Variants in CNTN3 observed in about 807,000 individuals in gnomAD.
CNTN3 encodes the protein contactin 3, also known as contactin-3.
Under a neutral mutation model 119.1 loss-of-function variants are expected in CNTN3, and 60 were observed. The ratio of observed to expected loss-of-function variants is 0.50; its 90% CI spans 0.41 to 0.62. The LOEUF (loss-of-function observed/expected upper bound fraction) is 0.62, where lower values mean the gene tolerates loss of function less well. CNTN3 is among the 20% of genes least tolerant of loss of function. CNTN3 has a pLI of 0.00. For missense variants in CNTN3, 1,101 were observed against 1,242.4 expected (o/e 0.89, Z 1.71); for synonymous variants, 450 against 438.7 (o/e 1.03, Z -0.32).
At chr3:74,285,790 GATATATATAT>G (rs71129738) in intron 19 of CNTN3, among the ~76,000 whole-genome samples, 1,406 of 56,470 alleles carry the variant, frequency 0.025, 16 homozygotes, top group East Asian at 0.042. Context: ...ATGAAGGGGA[GATATATATAT>G]ATATATATAT....
intron 5 of CNTN3, among the ~76,000 whole-genome samples, chr3:74,374,689 C>T (rs1412481354): frequency 6.6e-6 from 1 of 152,150 alleles, no homozygotes; most frequent in East Asian, 1.9e-4. Flanking sequence ...TTACAGATTT[C>T]ACCACCAAAG....
At chr3:74,338,844 G>A (rs1703462021) in intron 11 of CNTN3, among the ~76,000 whole-genome samples, 1 of 152,018 alleles carries the variant, frequency 6.6e-6, no homozygotes, top group South Asian at 2.1e-4. Context: ...AGGAACTACA[G>A]AGAAAGGTCA....
chr3:74,548,168 T>C (rs185327057), intron 1 of CNTN3, among the ~76,000 whole-genome samples: 2 of 152,312 alleles, frequency 1.3e-5, no homozygotes, highest in Admixed American at 1.3e-4. Flanking sequence ...ACAAATCAGA[T>C]GGATTTGGTT....
chr3:74,295,987 CTTGGT>C (rs1380108479), intron 18 of CNTN3, among the ~76,000 whole-genome samples: 4 of 152,068 alleles, frequency 2.6e-5, no homozygotes, highest in Non-Finnish European at 4.4e-5. Flanking sequence ...GAATTTGAAA[CTTGGT>C]TTGGAGAGTC....
At chr3:74,344,543 A>G (rs889678803) in intron 11 of CNTN3, among the ~76,000 whole-genome samples, 13 of 69,090 alleles carry the variant, frequency 1.9e-4, no homozygotes, top group African/African-American at 7.2e-4. Flanking sequence ...CTCCTGCTTC[A>G]GCCTCCCGGG....
At chr3:74,281,003 T>C (rs781718717) in intron 20 of CNTN3, among the ~76,000 whole-genome samples, 9 of 152,056 alleles carry the variant, frequency 5.9e-5, no homozygotes, top group Non-Finnish European at 8.8e-5. Flanking sequence ...GGAAGAGCTT[T>C]CGAGATACAG....
intron 5 of CNTN3, among the ~76,000 whole-genome samples, chr3:74,404,065 C>T (rs1221714201): frequency 6.6e-6 from 1 of 152,066 alleles, no homozygotes; most frequent in East Asian, 1.9e-4. Context: ...AAATCTTTCT[C>T]CTACACATCA....
At chr3:74,519,487 G>T (rs1181679080) in intron 2 of CNTN3, among the ~76,000 whole-genome samples, 1 of 151,582 alleles carries the variant, frequency 6.6e-6, no homozygotes, top group Non-Finnish European at 1.5e-5. Flanking sequence ...ATTTTCTTTT[G>T]CTGCCTTTCT....
intron 2 of CNTN3, among the ~76,000 whole-genome samples, chr3:74,500,766 T>A (rs564009104): frequency 6.6e-6 from 1 of 152,166 alleles, no homozygotes; most frequent in South Asian, 2.1e-4. Flanking sequence ...AGTAACAATA[T>A]GATTAAAATA....
intron 4 of CNTN3, among the ~76,000 whole-genome samples, chr3:74,439,916 G>C (rs567288186): frequency 2.0e-5 from 3 of 152,222 alleles, no homozygotes; most frequent in Non-Finnish European, 2.9e-5. Context: ...CTGGCCAACT[G>C]GTTCCTTAAC....
intron 13 of CNTN3, among the ~76,000 whole-genome samples, chr3:74,315,581 T>C (rs1473135880): frequency 6.6e-6 from 1 of 152,134 alleles, no homozygotes; most frequent in Non-Finnish European, 1.5e-5. Context: ...AAAAAATTCG[T>C]ACAATGTCTC....
chr3:74,509,535 A>T (rs1703326913), intron 2 of CNTN3, among the ~76,000 whole-genome samples: 1 of 152,058 alleles, frequency 6.6e-6, no homozygotes, highest in Non-Finnish European at 1.5e-5. Flanking sequence ...TGACCTCGTG[A>T]TCCACCCACC....
intron 13 of CNTN3, among the ~76,000 whole-genome samples, chr3:74,304,207 G>T (rs1702515011): frequency 6.6e-6 from 1 of 152,138 alleles, no homozygotes; most frequent in South Asian, 2.1e-4. Flanking sequence ...AGACAGATGG[G>T]AAATGATTGA....
intron 21 of CNTN3, among the ~76,000 whole-genome samples, chr3:74,266,884 C>A (rs774230723): frequency 1.3e-5 from 2 of 152,102 alleles, no homozygotes; most frequent in Non-Finnish European, 2.9e-5. Context: ...AAAAGCCCAG[C>A]TGGGCTGCGT....
intron 1 of CNTN3, among the ~76,000 whole-genome samples, chr3:74,602,004 G>C (rs1352633217): frequency 6.6e-6 from 1 of 151,896 alleles, no homozygotes; most frequent in Non-Finnish European, 1.5e-5. Flanking sequence ...CCAACTCCCA[G>C]CTGACCCATA....
intron 1 of CNTN3, among the ~76,000 whole-genome samples, chr3:74,535,064 T>G (rs1703745909): frequency 6.6e-6 from 1 of 152,096 alleles, no homozygotes; most frequent in Non-Finnish European, 1.5e-5. Flanking sequence ...AAATAAAGCA[T>G]GGACTCAAAC....
At chr3:74,391,909 C>T (rs1399074386) in intron 5 of CNTN3, among the ~76,000 whole-genome samples, 3 of 152,270 alleles carry the variant, frequency 2.0e-5, no homozygotes, top group South Asian at 2.1e-4. Context: ...CAGCCCACCT[C>T]GGTCTCCCAA....
At chr3:74,522,292 G>A (rs756789938) in intron 1 of CNTN3, among the ~76,000 whole-genome samples, 8 of 151,926 alleles carry the variant, frequency 5.3e-5, no homozygotes, top group Admixed American at 2.6e-4. Flanking sequence ...ATGGAATTGC[G>A]GCTAGAATGC....
intron 4 of CNTN3, among the ~76,000 whole-genome samples, chr3:74,443,616 T>G (rs1447774294): frequency 6.6e-6 from 1 of 152,120 alleles, no homozygotes; most frequent in Non-Finnish European, 1.5e-5. Flanking sequence ...CAGATGGAAG[T>G]CCTTTCCCTC....
Sources: gnomAD v4.1 joint callset for allele counts (sites outside exome capture counted in the v4.1 genomes callset) on GRCh38, gnomAD v4.1.1 for gene constraint, MANE v1.5 for transcripts, NCBI Gene and HGNC (gene_info 2026-07-23, HGNC 2026-07-21) for gene names.